NUP85: variants seen among roughly 807,000 people sequenced by gnomAD.
NUP85 encodes the protein nuclear pore complex protein Nup85.
Under a neutral mutation model 92.8 loss-of-function variants are expected in NUP85, and 23 were observed. The ratio of observed to expected loss-of-function variants is 0.25; its 90% confidence interval spans 0.18 to 0.35. The LOEUF is 0.35. NUP85 is among the 10% of genes least tolerant of loss of function. The pLI, the probability that NUP85 is intolerant of heterozygous loss-of-function variation, is 1.00. For missense variants in NUP85, 759 were observed against 822.8 expected, an observed-to-expected ratio of 0.92 and a Z score of 0.95; for synonymous variants, 314 against 306.9, an observed-to-expected ratio of 1.02 and a Z score of -0.24.
intron 5 of NUP85, 124 bp from the exon 6 acceptor site, chr17:75,215,630 G>T: frequency 1.2e-6 from 1 of 806,914 alleles, no homozygotes; most frequent in East Asian, 2.5e-5. Context: ...CCTCCAGTAG[G>T]ATTGCAGTAA....
At chr17:75,217,604 G>A (rs2075470800) in intron 6 of NUP85, among the ~76,000 whole-genome samples, 1 of 152,012 alleles carries the variant, frequency 6.6e-6, no homozygotes, top group East Asian at 2.0e-4. Flanking sequence ...CTGCCTCCTG[G>A]GTTCAAGCAA....
Position 75,225,223 on chromosome 17 carries a change from A to G in NUP85, c.718A>G (p.Met240Val). 1.9e-6 allele frequency: 3 copies of G among 1,606,784 alleles called. No individual in the cohort carries two copies. The highest frequency in any genetic ancestry group is 2.2e-5 in the East Asian group (1 of 44,800). ...CRIMGDLMRT[M>V]PILSPGNTQT... Reference sequence around the variant, plus strand: ...AATCATGGGGGACCTGATGAGGACAATGCCCATTCTTAGTGTACGTGGGGG... The same window carrying G: ...AATCATGGGGGACCTGATGAGGACAGTGCCCATTCTTAGTGTACGTGGGGG... The change falls in exon 8 of 19, where the codon ATG becomes GTG. Residue 240 changes from methionine (M) to valine (V), a missense_variant. By Grantham distance (21) the Met-to-Val change is conservative. Transcript: ENST00000245544.
At chr17:75,232,504 T>G (rs2076105982) in intron 14 of NUP85, among the ~76,000 whole-genome samples, 1 of 152,158 alleles carries the variant, frequency 6.6e-6, no homozygotes, top group Non-Finnish European at 1.5e-5. Context: ...CAGGAAGATG[T>G]GATTTGAGGC....
At chr17:75,218,639 A>T (rs537536296) in intron 7 of NUP85, among the ~76,000 whole-genome samples, 137 of 114,834 alleles carry the variant, frequency 1.2e-3, no homozygotes, top group Non-Finnish European at 2.0e-3. Context: ...GCGGTGGCTC[A>T]TGCCTGTAAT....
intron 11 of NUP85, among the ~76,000 whole-genome samples, chr17:75,230,936 A>ATTTTT (rs35461721): frequency 0.011 from 1,577 of 143,616 alleles, 27 homozygotes; most frequent in Middle Eastern, 0.046. Flanking sequence ...TTTCTGAGCG[A>ATTTTT]TTTTTTTTTT....
intron 6 of NUP85, among the ~76,000 whole-genome samples, chr17:75,217,234 A>AT (rs2075457918): frequency 6.6e-6 from 1 of 151,212 alleles, no homozygotes; most frequent in Non-Finnish European, 1.5e-5. Flanking sequence ...TAATTTTTGT[A>AT]TTTTTTGTGG....
Position 75,217,982 on chromosome 17 carries a change from C to A in NUP85, c.476-203C>A, listed in dbSNP as rs566302207. ...TGGGGTCAGTTAAAGATGGAGCTGC[C>A]TGGCACAGAAGTAATATTTGGTGAA... On this transcript the variant is annotated intron_variant, in intron 6 of 18. Transcript: ENST00000245544. 9.1e-4 allele frequency among the ~76,000 whole-genome samples: 138 copies of A among 152,262 alleles called. 2 individuals are homozygous for A. Among genetic ancestry groups the A allele is most frequent in the Non-Finnish European group, 1.7e-3 (114 of 68,020 alleles).
chr17:75,228,398 C>T, intron 11 of NUP85: 1 of 985,378 alleles, frequency 1.0e-6, no homozygotes, highest in South Asian at 4.7e-5. Context: ...AGTGGGAAAT[C>T]TTGGAGTTTG....
Position 75,231,812 on chromosome 17 carries a change from C to T in NUP85, c.1245-16C>T. On this transcript the variant is annotated splice_polypyrimidine_tract_variant and intron_variant, in intron 13 of 18. Transcript: ENST00000245544. The surrounding 1 kb of genome is among the most constrained non-coding windows in gnomAD (Gnocchi z 4.6). The stretch of plus-strand genomic sequence containing the variant: ...TGAGGCAGCACCTCATGTCTGTCCT[C>T]CTCGAACCTTTGCAGCCTGTGGCAG... 9 of 1,613,830 alleles carry T rather than the reference C, an allele frequency of 5.6e-6. No individual in the cohort carries two copies. Among genetic ancestry groups the T allele is most frequent in the Non-Finnish European group, 7.6e-6 (9 of 1,179,860 alleles).
chr17:75,221,110 G>C (rs191076108), intron 7 of NUP85, among the ~76,000 whole-genome samples: 1 of 152,062 alleles, frequency 6.6e-6, no homozygotes, highest in Non-Finnish European at 1.5e-5. Context: ...GTCTCGATCT[G>C]ACCTTGTGAT....
rs756195289 is a variant in NUP85, at chr17:75,225,787, C to T, written c.945C>T (p.Ser315=). The T allele has an allele frequency of 6.2e-7, 1 of 1,608,906 alleles. No homozygotes were observed. Among genetic ancestry groups the T allele is most frequent in the Non-Finnish European group, 8.5e-7 (1 of 1,176,988 alleles). The change falls in exon 10 of 19, where the codon TCC becomes TCT. Residue 315 remains serine, a synonymous_variant. Coordinates refer to ENST00000245544, the MANE Select transcript of NUP85 (RefSeq NM_024844.5). ...TCCTAGTGACTCGGCTCTTGTACTC[C>T]AATCCCACAGTAAAACCCATTGATC... ...YHFLVTRLLY[S]NPTVKPIDLH...
chr17:75,235,757 T>G lies in NUP85; in HGVS notation c.*78T>G, dbSNP rs767411881. On this transcript the variant is annotated 3_prime_UTR_variant, in exon 19 of 19. Coordinates refer to ENST00000245544, the MANE Select transcript of NUP85 (RefSeq NM_024844.5). ...AAGAATAAATGTTGTTTTGCAAATG[T>G]AGGTTCTTAGAGTCCACCCAGGGAA... 1.8e-6 allele frequency: 2 copies of G among 1,116,108 alleles called. No homozygotes were observed. Among genetic ancestry groups the G allele is most frequent in the Non-Finnish European group, 2.7e-6 (2 of 750,670 alleles). The allele number at this position is 1,116,108 out of a possible 1,614,324, so 69.1% of individuals were successfully genotyped here.
At position 75,215,769 on chromosome 17, in the gene NUP85, G is replaced by T; in HGVS notation, c.421G>T (p.Ala141Ser). ...QFSSQVSILSAMELIWNLCEI... is the reference protein window; with the variant it reads ...QFSSQVSILSSMELIWNLCEI... The stretch of plus-strand genomic sequence containing the variant: ...TCTTCCTTAGGTCTCCATTTTGTCA[G>T]CAATGGAGCTCATCTGGAACCTGTG... The change falls in exon 6 of 19, where the codon GCA becomes TCA. Residue 141 changes from alanine to serine, a missense_variant. Ala to Ser is a moderately conservative substitution (Grantham distance 99). Coordinates refer to ENST00000245544, the MANE Select transcript of NUP85 (RefSeq NM_024844.5). The T allele has an allele frequency of 6.2e-7, 1 of 1,613,956 alleles. No homozygotes were observed.
At chr17:75,235,029 C>T (rs1180215563) in intron 17 of NUP85, 71 bp from the exon 18 acceptor site, 10 of 1,275,046 alleles carry the variant, frequency 7.8e-6, no homozygotes, top group African/African-American at 1.5e-5. Flanking sequence ...AACGTCCGAA[C>T]ATGGGCCCCT....
In NUP85 at chr17:75,233,642, G is replaced by A. The variant is rs565689839; in HGVS notation, c.1615+484G>A. On this transcript the variant is annotated intron_variant, in intron 16 of 18. Coordinates refer to ENST00000245544, the MANE Select transcript of NUP85 (RefSeq NM_024844.5). Reference sequence around the variant, plus strand: ...GGGACAGAGTCTCACTCTGTCACCCGGGCTGGAGTGCAGTGGCGTGATCTC... The same window carrying A: ...GGGACAGAGTCTCACTCTGTCACCCAGGCTGGAGTGCAGTGGCGTGATCTC... Among the ~76,000 whole-genome samples, 74 of 147,920 alleles carry A rather than the reference G, an allele frequency of 5.0e-4. 1 individual carries two copies. The highest frequency in any genetic ancestry group is 1.7e-3 in the African/African-American group (66 of 39,852).
intron 18 of NUP85, 43 bp downstream of exon 18, chr17:75,235,244 AAAAG>A: frequency 7.0e-7 from 1 of 1,438,036 alleles, no homozygotes; most frequent in East Asian, 2.3e-5. Context: ...TGGAGGTGGG[AAAAG>A]GCTCCCTCTA....
intron 4 of NUP85, 29 bp downstream of exon 4, chr17:75,212,091 T>TGC: frequency 7.7e-7 from 1 of 1,293,446 alleles, no homozygotes; most frequent in African/African-American, 2.4e-5. Flanking sequence ...TGCGCGCGTG[T>TGC]GTGTGTGTGT....
rs750246813 is a variant in NUP85, at chr17:75,234,918, CCT to C, written c.1767+135_1767+136del. On this transcript the variant is annotated intron_variant, in intron 17 of 18. Transcript: ENST00000245544. ...TGTGCGCGTGTATTCCCCTTAGCGC[CCT>C]CTCTGGGATTCCAGACTCACACAGG... The C allele has an allele frequency of 5.0e-6, 6 of 1,209,066 alleles. No homozygotes were observed. In the East Asian group the frequency reaches 1.2e-4, roughly 23 times the overall value. 74.9% of individuals were successfully genotyped at this position (1,209,066 alleles called of 1,614,324 possible).
chr17:75,221,912 G>T (rs2075608549), intron 7 of NUP85, among the ~76,000 whole-genome samples: 1 of 152,180 alleles, frequency 6.6e-6, no homozygotes, highest in Non-Finnish European at 1.5e-5. Flanking sequence ...AGTTGATGGG[G>T]TTTGCTGATG....
Sources: allele counts gnomAD v4.1 joint callset (sites outside exome capture counted in the v4.1 genomes callset), GRCh38; gene constraint gnomAD v4.1.1; non-coding constraint Gnocchi (gnomAD v3.1); transcripts MANE v1.5; gene names NCBI Gene and HGNC (gene_info 2026-07-23, HGNC 2026-07-21).